Variants in MYO7A observed in about 807,000 individuals in gnomAD.
MYO7A encodes the protein unconventional myosin-VIIa.
MYO7A carries 210 observed loss-of-function variants against 263.8 expected under a neutral mutation model. The observed-to-expected ratio is 0.80, with a 90% CI of 0.71 to 0.89. The LOEUF (loss-of-function observed/expected upper bound fraction) is 0.89. Ranked by LOEUF, MYO7A falls within the 40% of genes least tolerant of loss-of-function variation. MYO7A has a pLI of 0.00. For synonymous variants in MYO7A, 1,239 were observed against 1,197.3 expected (o/e 1.03, Z -0.72); for missense variants, 2,820 against 2,968.3 (o/e 0.95, Z 1.16).
At chr11:77,210,058 T>C (rs1411082824) in intron 44 of MYO7A, among the ~76,000 whole-genome samples, 2 of 152,268 alleles carry the variant, frequency 1.3e-5, no homozygotes, top group African/African-American at 2.4e-5. Context: ...AGCCATTTTA[T>C]CTTAAAGGAA....
chr11:77,212,242 G>A (rs1416664644), intron 46 of MYO7A: 1 of 521,764 alleles, frequency 1.9e-6, no homozygotes, highest in South Asian at 1.6e-5. Context: ...AGCTCGGGAG[G>A]CTCTGCCGGG....
chr11:77,142,928 A>G, intron 3 of MYO7A, 106 bp downstream of exon 3: 1 of 923,762 alleles, frequency 1.1e-6, no homozygotes, highest in Non-Finnish European at 1.7e-6. Flanking sequence ...GGCCATGCCC[A>G]TGCCCCCACT....
At position 77,208,817 on chromosome 11, in the gene MYO7A, C is replaced by T. The variant is rs1957657517; in HGVS notation, c.6051+14C>T. 6.5e-7 allele frequency: 1 copy of T among 1,530,510 alleles called. No homozygotes were observed. The allele number at this position is 1,530,510 out of a possible 1,614,324, so 94.8% of individuals were successfully genotyped here. ...CACTATTACCAGGTGGGCACCTCTG[C>T]ACTCTAGTTGCCTTCGTGCACAGCT... On this transcript the variant is annotated intron_variant, in intron 44 of 48. Transcript: ENST00000409709.
Position 77,194,479 on chromosome 11 carries a change from G to A in MYO7A, c.4278G>A (p.Lys1426=). The A allele has an allele frequency of 6.2e-7, 1 of 1,608,724 alleles. No individual in the cohort carries two copies. Among genetic ancestry groups the A allele is most frequent in the Non-Finnish European group, 8.5e-7 (1 of 1,177,712 alleles). The part of the protein sequence containing the change: ...YIPDREITPL[K]TLEKWAQLAI... ...CCGACCGCGAGATCACGCCCCTGAA[G>A]ACGCTGGAGAAGTGGGCCCAGCTGG... is the stretch of plus-strand genomic sequence containing the variant. The change falls in exon 32 of 49, where the codon AAG becomes AAA. Residue 1426 remains lysine, a synonymous_variant. Coordinates refer to ENST00000409709, the MANE Select transcript of MYO7A (RefSeq NM_000260.4).
At position 77,175,632 on chromosome 11, in the gene MYO7A, G is replaced by T. The variant is rs528257783; in HGVS notation, c.2187+168G>T. Among the ~76,000 whole-genome samples, 10 of 152,288 alleles carry T rather than the reference G, an allele frequency of 6.6e-5. No homozygotes were observed. The South Asian group carries it at 2.1e-3, about 32-fold the overall frequency. On this transcript the variant is annotated intron_variant, in intron 18 of 48. Transcript: ENST00000409709. ...GGATCTGGCCTCTCTGGTGGGGAAG[G>T]GTAATTTGGTGTTTGAGATCATCTA...
intron 2 of MYO7A, among the ~76,000 whole-genome samples, chr11:77,137,088 A>G (rs1264409046): frequency 2.6e-5 from 4 of 152,184 alleles, no homozygotes; most frequent in Non-Finnish European, 4.4e-5. Flanking sequence ...TCCTGTCCCA[A>G]TGTACTGCTA....
intron 14 of MYO7A, 81 bp downstream of exon 14, chr11:77,163,069 G>A (rs1465188691): frequency 2.4e-5 from 36 of 1,486,162 alleles, no homozygotes; most frequent in South Asian, 1.6e-4. Flanking sequence ...TAAGATATCC[G>A]GAATTTTAAA....
intron 20 of MYO7A, 51 bp downstream of exon 20, chr11:77,179,180 C>G: frequency 6.6e-7 from 1 of 1,510,082 alleles, no homozygotes; most frequent in Non-Finnish European, 9.0e-7. Context: ...TGAACCCAGC[C>G]TTGCTGCCAT....
Position 77,166,148 on chromosome 11 carries a change from G to A in MYO7A, c.1783G>A (p.Ala595Thr). The A allele has an allele frequency of 6.2e-7, 1 of 1,613,866 alleles. No homozygotes were observed. Among genetic ancestry groups the A allele is most frequent in the East Asian group, 2.2e-5 (1 of 44,848 alleles). Reference protein sequence around the residue: ...RNKFIKQIFQADVAMGAETRK... With the variant: ...RNKFIKQIFQTDVAMGAETRK... ...CAAGTTCATCAAGCAGATCTTCCAG[G>A]CCGATGTCGCCATGGTAAGCCGGGT... The change falls in exon 15 of 49, where the codon GCC becomes ACC. Residue 595 changes from alanine (A) to threonine (T), a missense_variant. Transcript: ENST00000409709.
At chr11:77,212,169 C>T in intron 46 of MYO7A, 2 of 647,572 alleles carry the variant, frequency 3.1e-6, no homozygotes, top group Non-Finnish European at 5.7e-6. Context: ...GACATGTAAA[C>T]AGGCTGGGGT....
At chr11:77,191,898 G>A (rs1015596621) in intron 30 of MYO7A, among the ~76,000 whole-genome samples, 153 bp from the exon 31 acceptor site, 1 of 152,232 alleles carries the variant, frequency 6.6e-6, no homozygotes, top group Non-Finnish European at 1.5e-5. Context: ...AGAGCCCAGG[G>A]CTAGAATCTG....
At chr11:77,150,234 G>C (rs1486090824) in intron 4 of MYO7A, among the ~76,000 whole-genome samples, 1 of 152,240 alleles carries the variant, frequency 6.6e-6, no homozygotes, top group Non-Finnish European at 1.5e-5. Flanking sequence ...CTGCAGACCA[G>C]TGTCTCAGCA....
chr11:77,129,811 G>A (rs1258959614), intron 1 of MYO7A, among the ~76,000 whole-genome samples: 1 of 152,156 alleles, frequency 6.6e-6, no homozygotes, highest in Non-Finnish European at 1.5e-5. Flanking sequence ...CAGGTAGAAG[G>A]GCCAGTGTGT....
chr11:77,153,697 C>T (rs375486993), intron 4 of MYO7A, among the ~76,000 whole-genome samples: 9 of 152,316 alleles, frequency 5.9e-5, no homozygotes, highest in African/African-American at 2.2e-4. Flanking sequence ...ATTCATCCTC[C>T]ACAGCTGCCG....
rs2276294 is a variant in MYO7A, at chr11:77,203,903, A to G, written c.5327-173A>G. Among the ~76,000 whole-genome samples the G allele has an allele frequency of 0.59, 89,628 of 151,946 alleles. 26,964 individuals carry two copies. Among genetic ancestry groups the G allele is most frequent in the African/African-American group, 0.69 (28,710 of 41,470 alleles). ...GAGGGCTTGGGATGTGGGGCTGGTG[A>G]CTGTGAGGAGGCGGAGAGAGGGTGG... On this transcript the variant is annotated intron_variant, in intron 38 of 48. Transcript: ENST00000409709.
At chr11:77,171,262 T>TGTGTGC (rs1954062282) in intron 15 of MYO7A, among the ~76,000 whole-genome samples, 2 of 152,016 alleles carry the variant, frequency 1.3e-5, no homozygotes, top group East Asian at 3.9e-4. Flanking sequence ...TGTGTGTGTG[T>TGTGTGC]GCATGCGTAT....
rs759430551 is a variant in MYO7A, at chr11:77,199,655, G to A, written c.4689G>A (p.Ala1563=). The A allele has an allele frequency of 7.4e-6, 12 of 1,612,606 alleles. No individual in the cohort carries two copies. Among genetic ancestry groups the A allele is most frequent in the South Asian group, 2.2e-5 (2 of 90,844 alleles). Reference sequence around the variant, plus strand: ...CTCCGTGTTGGTCCTGCAGGGGAGCGAAAACGACGGCCCCCAGCTTCACGC... The same window carrying A: ...CTCCGTGTTGGTCCTGCAGGGGAGCAAAAACGACGGCCCCCAGCTTCACGC... The part of the protein sequence containing the change: ...PCSPCWSCRG[A]KTTAPSFTLA... Residue 1563 remains alanine, a synonymous_variant, in exon 35 of 49, where the codon GCG becomes GCA. Transcript: ENST00000409709.
At chr11:77,184,377 C>T (rs1279889756) in intron 26 of MYO7A, among the ~76,000 whole-genome samples, 1 of 152,166 alleles carries the variant, frequency 6.6e-6, no homozygotes, top group Non-Finnish European at 1.5e-5. Context: ...TGGGTGGCAC[C>T]GGGCCAGTGT....
intron 15 of MYO7A, 51 bp downstream of exon 15, chr11:77,166,213 C>A (rs138268183): frequency 6.7e-7 from 1 of 1,502,606 alleles, no homozygotes; most frequent in Non-Finnish European, 9.2e-7. Context: ...ACGGGCCAGG[C>A]CTGAGTCTAA....
Sources: gnomAD v4.1 joint callset for allele counts (sites outside exome capture counted in the v4.1 genomes callset) on GRCh38, gnomAD v4.1.1 for gene constraint, MANE v1.5 for transcripts, NCBI Gene and HGNC (gene_info 2026-07-23, HGNC 2026-07-21) for gene names.